Variants in CNOT2 observed in about 807,000 individuals in gnomAD.
CNOT2 encodes CC chemokine receptor 4-negative regulator of transcription 2.
CNOT2 carries 7 observed loss-of-function variants against 72.1 expected under a neutral mutation model. The ratio of observed to expected loss-of-function variants is 0.10; its 90% CI spans 0.06 to 0.18. The LOEUF (loss-of-function observed/expected upper bound fraction) is 0.18. CNOT2 is among the 10% of genes least tolerant of loss of function. The pLI, the probability that CNOT2 is intolerant of heterozygous loss-of-function variation, is 1.00. For missense variants in CNOT2, 345 were observed against 660.3 expected, an observed-to-expected ratio of 0.52 and a Z score of 5.23; for synonymous variants, 196 against 225.6, an observed-to-expected ratio of 0.87 and a Z score of 1.17.
At chr12:70,301,558 C>G (rs1873981887) in intron 2 of CNOT2, 7 of 152,042 alleles carry the variant, frequency 4.6e-5, no homozygotes, top group Admixed American at 4.6e-4. Context: ...AGCCTTGCAT[C>G]CCAGGGATGA....
intron 4 of CNOT2, among the ~76,000 whole-genome samples, 186 bp from the exon 5 acceptor site, chr12:70,329,237 A>C (rs1042337150): frequency 1.3e-5 from 2 of 152,024 alleles, no homozygotes; most frequent in African/African-American, 4.8e-5. Flanking sequence ...CATAATATTA[A>C]ATTTCAGACT....
chr12:70,259,363 C>G (rs1441341585), intron 1 of CNOT2, among the ~76,000 whole-genome samples: 1 of 151,946 alleles, frequency 6.6e-6, no homozygotes, highest in Admixed American at 6.6e-5. Context: ...ATTTTTAAAT[C>G]AACTTTGTCA....
chr12:70,283,017 C>T (rs758113204), intron 2 of CNOT2, among the ~76,000 whole-genome samples: 1 of 152,154 alleles, frequency 6.6e-6, no homozygotes, highest in Non-Finnish European at 1.5e-5. Context: ...AAATGAATCA[C>T]TAAGTATATT....
chr12:70,310,545 T>G (rs1201340154), intron 2 of CNOT2, among the ~76,000 whole-genome samples: 2 of 152,036 alleles, frequency 1.3e-5, no homozygotes, highest in Non-Finnish European at 2.9e-5. Flanking sequence ...AAGATGCATG[T>G]GAAGATTTTG....
intron 3 of CNOT2, among the ~76,000 whole-genome samples, chr12:70,317,028 A>G (rs773741942): frequency 8.5e-5 from 13 of 152,158 alleles, no homozygotes; most frequent in Non-Finnish European, 1.5e-5. Context: ...CCAGCATCTT[A>G]TATTTGCAGC....
At chr12:70,343,786 C>T (rs982093956) in intron 13 of CNOT2, among the ~76,000 whole-genome samples, 2 of 152,166 alleles carry the variant, frequency 1.3e-5, no homozygotes, top group Non-Finnish European at 2.9e-5. Context: ...GAATACAAGT[C>T]CTAGATCTCT....
At chr12:70,338,370 A>G (rs1006446845) in intron 9 of CNOT2, 73 bp from the exon 10 acceptor site, 1 of 1,201,144 alleles carries the variant, frequency 8.3e-7, no homozygotes, top group Non-Finnish European at 1.2e-6. Context: ...ATAAATAGCA[A>G]GGTATTAATA....
At chr12:70,297,347 C>G (rs1035591847) in intron 2 of CNOT2, among the ~76,000 whole-genome samples, 1 of 152,102 alleles carries the variant, frequency 6.6e-6, no homozygotes, top group Admixed American at 6.6e-5. Context: ...ACTACAAACT[C>G]TGTAGCTGGG....
intron 1 of CNOT2, among the ~76,000 whole-genome samples, chr12:70,260,477 A>G (rs1958691642): frequency 1.3e-5 from 2 of 152,022 alleles, no homozygotes; most frequent in Non-Finnish European, 2.9e-5. Flanking sequence ...TGGCGTATTG[A>G]TTTTGTACCC....
At chr12:70,303,186 C>T (rs1450848230) in intron 2 of CNOT2, among the ~76,000 whole-genome samples, 11 of 150,864 alleles carry the variant, frequency 7.3e-5, no homozygotes, top group Non-Finnish European at 1.3e-4. Flanking sequence ...CCAGTCTGTG[C>T]CTTTTAATTG....
At chr12:70,323,585 A>C (rs1043630140) in intron 4 of CNOT2, 1 of 151,778 alleles carries the variant, frequency 6.6e-6, no homozygotes, top group Non-Finnish European at 1.5e-5. Context: ...AGCATTGAAC[A>C]GACTGTGAGT....
At chr12:70,327,715 G>C (rs1247009092) in intron 4 of CNOT2, 7 of 151,756 alleles carry the variant, frequency 4.6e-5, no homozygotes, top group Admixed American at 3.9e-4. Flanking sequence ...GCTCCCTGAG[G>C]GTAGGGGCCT....
At chr12:70,269,271 GAAGCTTTTTTTTTTT>G (rs1349231098) in intron 1 of CNOT2, among the ~76,000 whole-genome samples, 5 of 147,550 alleles carry the variant, frequency 3.4e-5, no homozygotes, top group Non-Finnish European at 7.5e-5. Flanking sequence ...ATTTCGCTCT[GAAGCTTTTTTTTTTT>G]AAGCTTTTTT....
At chr12:70,333,153 G>C (rs916158207) in intron 7 of CNOT2, among the ~76,000 whole-genome samples, 13 of 151,820 alleles carry the variant, frequency 8.6e-5, no homozygotes, top group South Asian at 4.1e-4. Context: ...TTGCTTCATA[G>C]CTTTTACTGT....
intron 2 of CNOT2, among the ~76,000 whole-genome samples, chr12:70,304,749 TTGTC>T (rs1376854416): frequency 6.6e-6 from 1 of 152,238 alleles, no homozygotes; most frequent in Non-Finnish European, 1.5e-5. Context: ...TGCCTTTTGT[TTGTC>T]TGTGCCCTGC....
chr12:70,336,948 TA>T (rs1409249876), intron 8 of CNOT2: 1 of 154,756 alleles, frequency 6.5e-6, no homozygotes, highest in Non-Finnish European at 1.4e-5. Context: ...GGAGTTGTTT[TA>T]TAATTGATTG....
intron 1 of CNOT2, among the ~76,000 whole-genome samples, chr12:70,245,532 A>C (rs1449033586): frequency 6.6e-6 from 1 of 152,152 alleles, no homozygotes; most frequent in African/African-American, 2.4e-5. Flanking sequence ...TCTGTAACCT[A>C]ATCTGATCTC....
intron 11 of CNOT2, among the ~76,000 whole-genome samples, chr12:70,339,271 G>A (rs897865352): frequency 2.0e-5 from 3 of 151,610 alleles, no homozygotes; most frequent in Non-Finnish European, 4.4e-5. Context: ...CATGCTTTCC[G>A]ACTTCCACTT....
intron 4 of CNOT2, among the ~76,000 whole-genome samples, chr12:70,327,270 GA>G (rs137870889): frequency 2.0e-5 from 3 of 151,738 alleles, no homozygotes; most frequent in African/African-American, 7.3e-5. Context: ...CGATGAGAGA[GA>G]AAGAAAATGG....
Sources: gnomAD v4.1 joint callset for allele counts (sites outside exome capture counted in the v4.1 genomes callset) on GRCh38, gnomAD v4.1.1 for gene constraint, MANE v1.5 for transcripts, NCBI Gene and HGNC (gene_info 2026-07-23, HGNC 2026-07-21) for gene names.